ASS1: variants seen among roughly 807,000 people sequenced by gnomAD.
ASS1 encodes the protein argininosuccinate synthase.
A neutral mutation model predicts 60.5 loss-of-function variants in ASS1; 58 were observed. That is an observed-to-expected ratio of 0.96 (90% CI 0.78 to 1.19). ASS1 has a LOEUF of 1.19. Ranked by LOEUF, ASS1 falls within the 50% of genes most tolerant of loss-of-function variation. The pLI is 0.00. For synonymous variants in ASS1, 200 were observed against 206.9 expected (o/e 0.97, Z 0.29); for missense variants, 454 against 547.3 (o/e 0.83, Z 1.70).
chr9:130,487,415 T>A (rs1194252438), intron 11 of ASS1, among the ~76,000 whole-genome samples: 3 of 147,380 alleles, frequency 2.0e-5, no homozygotes, highest in African/African-American at 5.0e-5. Context: ...TTTTTTTTTT[T>A]AATTTAAAAC....
Position 130,491,258 on chromosome 9 carries a change from AAGG to A in ASS1, c.970+1799_970+1801del, listed in dbSNP as rs1395408735. Among the ~76,000 whole-genome samples, 1 of 152,034 alleles carries A rather than the reference AAGG, an allele frequency of 6.6e-6. No homozygotes were observed. Among genetic ancestry groups the A allele is most frequent in the Non-Finnish European group, 1.5e-5 (1 of 68,010 alleles). On this transcript the variant is annotated intron_variant, in intron 12 of 14. Transcript: ENST00000352480. This position sits in a 1 kb window ranked among gnomAD's most constrained non-coding sequence, Gnocchi z 5.3. The stretch of plus-strand genomic sequence containing the variant: ...CAGCCCGGCGGGATTGCGACCCCGA[AAGG>A]AGGATTTTAGTTACAAAGTGAGAGA...
rs1257494723 is a variant in ASS1, at chr9:130,477,061, C to T, written c.688+100C>T. 1.6e-6 allele frequency: 2 copies of T among 1,250,472 alleles called. No individual in the cohort carries two copies. Among genetic ancestry groups the T allele is most frequent in the Non-Finnish European group, 2.3e-6 (2 of 863,372 alleles). The allele number at this position is 1,250,472 out of a possible 1,614,324, so 77.5% of individuals were successfully genotyped here. A position where few individuals can be genotyped will look rare whatever the true frequency, so the allele number is the denominator to read the frequency against. On this transcript the variant is annotated intron_variant, in intron 9 of 14. Coordinates refer to ENST00000352480, the MANE Select transcript of ASS1 (RefSeq NM_054012.4). The surrounding 1 kb of genome is among the most constrained non-coding windows in gnomAD (Gnocchi z 4.2). ...AACCTAGGCCCTCTTTACCCCCGCC[C>T]TGCATTCCTGGAAGCTAGAGTTCAG...
intron 12 of ASS1, among the ~76,000 whole-genome samples, chr9:130,490,146 CCCGGGTT>C (rs1195951003): frequency 3.3e-5 from 5 of 152,212 alleles, no homozygotes; most frequent in African/African-American, 1.2e-4. Flanking sequence ...AGGTGAGGAG[CCCGGGTT>C]TCCATGCCTT....
Position 130,489,191 on chromosome 9 carries a change from G to T in ASS1, c.839-142G>T. On this transcript the variant is annotated intron_variant, in intron 11 of 14. Transcript: ENST00000352480. This position sits in a 1 kb window ranked among gnomAD's most constrained non-coding sequence, Gnocchi z 4.1. ...ACAGATGCATTTTGCAGCAAGCTGGGAGTGAATGGGTCCGGCCGGCTTGTC... is the reference window on the plus strand; with the variant it reads ...ACAGATGCATTTTGCAGCAAGCTGGTAGTGAATGGGTCCGGCCGGCTTGTC... The T allele has an allele frequency of 8.9e-7, 1 of 1,125,118 alleles. No homozygotes were observed. Among genetic ancestry groups the T allele is most frequent in the Non-Finnish European group, 1.3e-6 (1 of 783,152 alleles). 69.7% of individuals were successfully genotyped at this position (1,125,118 alleles called of 1,614,324 possible). A position where few individuals can be genotyped will look rare whatever the true frequency, so the allele number is the denominator to read the frequency against.
chr9:130,458,694 C>A, intron 4 of ASS1, 105 bp downstream of exon 4: 2 of 1,457,640 alleles, frequency 1.4e-6, no homozygotes, highest in South Asian at 1.3e-5. Context: ...CCGGGGCAGA[C>A]TTGGTGCAAG....
chr9:130,471,337 G>A (rs1194126164), intron 7 of ASS1, 148 bp from the exon 8 acceptor site: 4 of 988,902 alleles, frequency 4.0e-6, no homozygotes, highest in African/African-American at 1.6e-5. Flanking sequence ...GGTGGGCCCA[G>A]AATGTTTCAG....
Position 130,489,311 on chromosome 9 carries a change from C to G in ASS1, c.839-22C>G, listed in dbSNP as rs761883834. On this transcript the variant is annotated intron_variant, in intron 11 of 14. Transcript: ENST00000352480. The surrounding 1 kb of genome is among the most constrained non-coding windows in gnomAD (Gnocchi z 4.1). ...GTTTCTCTCTTTTTTCTCCTTTTCC[C>G]CCTGCCTGGAAAAATGGCTAGGTAT... 2 of 1,613,190 alleles carry G rather than the reference C, an allele frequency of 1.2e-6. No individual in the cohort carries two copies. The highest frequency in any genetic ancestry group is 2.2e-5 in the South Asian group (2 of 91,030).
intron 8 of ASS1, among the ~76,000 whole-genome samples, chr9:130,472,018 T>C (rs1354711781): frequency 6.6e-6 from 1 of 152,138 alleles, no homozygotes; most frequent in Admixed American, 6.5e-5. Flanking sequence ...CGGGCTGGAC[T>C]GGGCCCTCAG....
chr9:130,500,879 C>A, intron 14 of ASS1, 97 bp from the exon 15 acceptor site: 3 of 1,351,604 alleles, frequency 2.2e-6, no homozygotes, highest in Non-Finnish European at 3.2e-6. Context: ...TAACAAACAG[C>A]TGCCCCAGCC....
Position 130,479,756 on chromosome 9 carries a change from C to T in ASS1, c.729C>T (p.Thr243=), listed in dbSNP as rs370892743. The change falls in exon 10 of 15, where the codon ACC becomes ACT. Residue 243 remains threonine, a synonymous_variant. Transcript: ENST00000352480. ...TGACCAACGTCAAGGATGGCACCAC[C>T]CACCAGACCTCCTTGGAGCTCTTCA... ...VKVTNVKDGT[T]HQTSLELFMY... 5.0e-6 allele frequency: 8 copies of T among 1,614,106 alleles called. No homozygotes were observed. The Admixed American group carries it at 1.0e-4, about 20-fold the overall frequency.
intron 8 of ASS1, among the ~76,000 whole-genome samples, chr9:130,474,595 C>G (rs1845970661): frequency 6.6e-6 from 1 of 152,168 alleles, no homozygotes; most frequent in Non-Finnish European, 1.5e-5. Context: ...ACCCCAAGAT[C>G]CAGTCCAGTT....
intron 11 of ASS1, among the ~76,000 whole-genome samples, chr9:130,487,904 C>T (rs1588502446): frequency 6.6e-6 from 1 of 152,266 alleles, no homozygotes; most frequent in Non-Finnish European, 1.5e-5. Flanking sequence ...GCATGTACCA[C>T]CATGCCCGGC....
In ASS1 at chr9:130,477,019, T is replaced by TC; in HGVS notation, c.688+62dup. 6.5e-7 allele frequency: 1 copy of TC among 1,538,832 alleles called. No individual in the cohort carries two copies. The highest frequency in any genetic ancestry group is 9.0e-7 in the Non-Finnish European group (1 of 1,112,444). ...TTGACTTTTGGGGCCCTGGCTCCTTTCCCCTCCCTGCCTGGGAACCTAGGC... is the reference window on the plus strand; with the variant it reads ...TTGACTTTTGGGGCCCTGGCTCCTTTCCCCCTCCCTGCCTGGGAACCTAGGC... On this transcript the variant is annotated intron_variant, in intron 9 of 14. Coordinates refer to ENST00000352480, the MANE Select transcript of ASS1 (RefSeq NM_054012.4). The surrounding 1 kb of genome is among the most constrained non-coding windows in gnomAD (Gnocchi z 4.2).
chr9:130,450,050 G>A (rs892948313), intron 1 of ASS1, among the ~76,000 whole-genome samples: 10 of 152,140 alleles, frequency 6.6e-5, no homozygotes, highest in Admixed American at 2.0e-4. Context: ...CACACCACCC[G>A]CGCCATCACA....
intron 1 of ASS1, among the ~76,000 whole-genome samples, chr9:130,449,814 A>G (rs948368471): frequency 2.0e-5 from 3 of 152,146 alleles, no homozygotes; most frequent in Admixed American, 1.3e-4. Flanking sequence ...GCGCATCCGC[A>G]CGCCGAAACT....
At chr9:130,484,316 A>G (rs1846248654) in intron 11 of ASS1, among the ~76,000 whole-genome samples, 1 of 152,102 alleles carries the variant, frequency 6.6e-6, no homozygotes, top group Non-Finnish European at 1.5e-5. Flanking sequence ...ATTCTGCCTA[A>G]CCTGGCAGCC....
At chr9:130,485,936 C>T (rs995687056) in intron 11 of ASS1, among the ~76,000 whole-genome samples, 1 of 152,140 alleles carries the variant, frequency 6.6e-6, no homozygotes, top group Non-Finnish European at 1.5e-5. Flanking sequence ...GAACCATTCC[C>T]CTTTCTGGTG....
intron 1 of ASS1, among the ~76,000 whole-genome samples, chr9:130,451,094 G>A (rs1045105771): frequency 2.6e-5 from 4 of 152,132 alleles, no homozygotes; most frequent in Admixed American, 2.0e-4. Context: ...CAGTGAAGAC[G>A]CCCAAGCCCA....
At chr9:130,495,131 C>T in intron 13 of ASS1, 108 bp downstream of exon 13, 1 of 1,419,728 alleles carries the variant, frequency 7.0e-7, no homozygotes, top group Non-Finnish European at 9.6e-7. Context: ...CCATGCAGAG[C>T]ACAGAGTGAT....
Sources: gnomAD v4.1 joint callset for allele counts (sites outside exome capture counted in the v4.1 genomes callset) on GRCh38, gnomAD v4.1.1 for gene constraint, Gnocchi (gnomAD v3.1) non-coding constraint, MANE v1.5 for transcripts, NCBI Gene and HGNC (gene_info 2026-07-23, HGNC 2026-07-21) for gene names.